The following DAGLB variants were observed in gnomAD, a reference collection of about 807,000 sequenced individuals.
The protein encoded by DAGLB is diacylglycerol lipase beta.
A neutral mutation model predicts 72.1 loss-of-function variants in DAGLB; 66 were observed. That is an observed-to-expected ratio of 0.92 (90% confidence interval 0.75 to 1.12). The LOEUF (loss-of-function observed/expected upper bound fraction) is 1.12. Among genes scored for constraint, DAGLB ranks in the 50% most tolerant of loss-of-function variants. The pLI is 0.00. For missense variants in DAGLB, 1,065 were observed against 884.9 expected (o/e 1.20, Z -2.58); for synonymous variants, 414 against 359.5 (o/e 1.15, Z -1.71).
In DAGLB at chr7:6,447,787, A is replaced by C. The variant is rs1785059403; in HGVS notation, c.56T>G (p.Val19Gly). The C allele has an allele frequency of 6.2e-7, 1 of 1,613,646 alleles. No homozygotes were observed. The highest frequency in any genetic ancestry group is 1.1e-5 in the South Asian group (1 of 90,992). ...GACCAGCTCGAAGAACCCTGGGAAG[A>C]CCAAGTCGTCGCTGGCGATGGCCCA... The part of the protein sequence containing the change: ...RRWAIASDDL[V>G]FPGFFELVVR... Residue 19 changes from valine (V) to glycine (G), a missense_variant, in exon 1 of 15, where the codon GTC becomes GGC. Transcript: ENST00000297056.
chr7:6,419,613 A>T (rs899456261), intron 9 of DAGLB, among the ~76,000 whole-genome samples: 2 of 152,216 alleles, frequency 1.3e-5, no homozygotes, highest in Non-Finnish European at 2.9e-5. Flanking sequence ...TTCCCGACCC[A>T]AGGGATGAAC....
chr7:6,424,876 C>T, intron 7 of DAGLB, 41 bp from the exon 8 acceptor site: 1 of 1,598,384 alleles, frequency 6.3e-7, no homozygotes, highest in Non-Finnish European at 8.6e-7. Flanking sequence ...AAACAGTGAA[C>T]ACACGCACCA....
At chr7:6,447,159 C>G (rs1380233891) in intron 1 of DAGLB, among the ~76,000 whole-genome samples, 1 of 152,216 alleles carries the variant, frequency 6.6e-6, no homozygotes, top group Non-Finnish European at 1.5e-5. Flanking sequence ...TTTTGCATAA[C>G]AATGATTCAT....
chr7:6,447,768 C>T lies in DAGLB; in HGVS notation c.75G>A (p.Glu25=), dbSNP rs1450715066. ...CTTACCACAGCACTCGCACGACCAG[C>T]TCGAAGAACCCTGGGAAGACCAAGT... ...SDDLVFPGFF[E]LVVRVLWWIG... is the part of the protein sequence containing the mutation. The change falls in exon 1 of 15, where the codon GAG becomes GAA. Residue 25 remains glutamate, a synonymous_variant. Coordinates refer to ENST00000297056, the MANE Select transcript of DAGLB (RefSeq NM_139179.4). The T allele has an allele frequency of 6.2e-7, 1 of 1,613,726 alleles. No individual in the cohort carries two copies. The highest frequency in any genetic ancestry group is 8.5e-7 in the Non-Finnish European group (1 of 1,179,866).
intron 6 of DAGLB, among the ~76,000 whole-genome samples, chr7:6,428,502 T>C (rs2115269646): frequency 6.6e-6 from 1 of 151,288 alleles, no homozygotes; most frequent in Admixed American, 6.6e-5. Flanking sequence ...TTTTTTTCTT[T>C]TTGAGACAGA....
chr7:6,439,849 C>G (rs1466330789), intron 2 of DAGLB, among the ~76,000 whole-genome samples: 1 of 151,498 alleles, frequency 6.6e-6, no homozygotes, highest in Non-Finnish European at 1.5e-5. Flanking sequence ...GTCAGGAGTT[C>G]GAGACCAGCC....
intron 13 of DAGLB, 140 bp downstream of exon 13, chr7:6,412,671 C>A (rs1470642580): frequency 1.0e-6 from 1 of 953,670 alleles, no homozygotes; most frequent in African/African-American, 1.6e-5. Flanking sequence ...AGCCCAGAAT[C>A]TGATCAGATG....
At chr7:6,412,269 A>T (rs1783754122) in intron 13 of DAGLB, among the ~76,000 whole-genome samples, 1 of 152,060 alleles carries the variant, frequency 6.6e-6, no homozygotes. Context: ...GACATATATC[A>T]CCATTTTAAT....
At chr7:6,427,958 T>C (rs369843981) in intron 6 of DAGLB, among the ~76,000 whole-genome samples, 318 of 152,298 alleles carry the variant, frequency 2.1e-3, no homozygotes, top group African/African-American at 7.3e-3. Context: ...AATTTAAGAA[T>C]CTATAAATCC....
intron 2 of DAGLB, 50 bp downstream of exon 2, chr7:6,445,903 C>G: frequency 6.6e-7 from 1 of 1,519,522 alleles, no homozygotes; most frequent in African/African-American, 1.4e-5. Flanking sequence ...AATTATATCT[C>G]AATAAAGCTA....
At chr7:6,441,681 T>C (rs1282389211) in intron 2 of DAGLB, among the ~76,000 whole-genome samples, 1 of 152,192 alleles carries the variant, frequency 6.6e-6, no homozygotes, top group South Asian at 2.1e-4. Flanking sequence ...CCTCCCAGAG[T>C]GCTGGAATTA....
chr7:6,416,418 C>T, intron 11 of DAGLB: 1 of 567,744 alleles, frequency 1.8e-6, no homozygotes, highest in Non-Finnish European at 2.8e-6. Flanking sequence ...TGGCGGGTGT[C>T]TGTAGTCCCA....
At chr7:6,435,902 C>G (rs979941216) in intron 3 of DAGLB, among the ~76,000 whole-genome samples, 2 of 152,124 alleles carry the variant, frequency 1.3e-5, no homozygotes, top group African/African-American at 2.4e-5. Flanking sequence ...ACTGGATCAT[C>G]TCTAAGATTT....
rs780085646 is a variant in DAGLB, at chr7:6,412,805, G to A, written c.1569+6C>T. ...TGCTGACCCTCTCAACAAGGCACCC[G>A]CTTACCTTGGGTTTATTGCAGTGCG... is the stretch of plus-strand genomic sequence containing the variant. On this transcript the variant is annotated splice_donor_region_variant and intron_variant, in intron 13 of 14. Coordinates refer to ENST00000297056, the MANE Select transcript of DAGLB (RefSeq NM_139179.4). 12 of 1,578,814 alleles carry A rather than the reference G, an allele frequency of 7.6e-6. No individual in the cohort carries two copies. The highest frequency in any genetic ancestry group is 3.4e-4 in the Middle Eastern group (2 of 5,816).
chr7:6,424,908 C>A, intron 7 of DAGLB, 73 bp from the exon 8 acceptor site: 1 of 1,476,240 alleles, frequency 6.8e-7, no homozygotes, highest in Non-Finnish European at 9.4e-7. Flanking sequence ...CGGAGCCCTG[C>A]AGTGTCTGCA....
At position 6,445,992 on chromosome 7, in the gene DAGLB, T is replaced by A; in HGVS notation, c.208A>T (p.Ile70Leu). ...IVLMILLAVV[I>L]CTVSAIMCVS... ...CACATGATGGCTGACACAGTACATA[T>A]GACAACTGCCAGGAGAATCATGAGG... Residue 70 changes from isoleucine to leucine, a missense_variant, in exon 2 of 15, where the codon ATA becomes TTA. Physicochemically the swap from Ile to Leu is conservative, Grantham distance 5. Coordinates refer to ENST00000297056, the MANE Select transcript of DAGLB (RefSeq NM_139179.4). 3 of 1,613,356 alleles carry A rather than the reference T, an allele frequency of 1.9e-6. No individual in the cohort carries two copies. The highest frequency in any genetic ancestry group is 1.7e-6 in the Non-Finnish European group (2 of 1,179,810).
rs372529111 is a variant in DAGLB, at chr7:6,409,797, G to A, written c.*40C>T. On this transcript the variant is annotated 3_prime_UTR_variant, in exon 15 of 15. Coordinates refer to ENST00000297056, the MANE Select transcript of DAGLB (RefSeq NM_139179.4). ...GGTAAGTCAGTTTAAGGACAAAAGC[G>A]TGAGTCCATCGTTCCTGGGACAGTT... The A allele has an allele frequency of 1.6e-5, 25 of 1,596,310 alleles. No homozygotes were observed. Among genetic ancestry groups the A allele is most frequent in the African/African-American group, 5.4e-5 (4 of 74,332 alleles).
intron 2 of DAGLB, among the ~76,000 whole-genome samples, chr7:6,438,097 G>A (rs836542): frequency 1.3e-5 from 2 of 151,760 alleles, no homozygotes; most frequent in South Asian, 2.1e-4. Context: ...GCAAACTATC[G>A]CAAGGACAGA....
At chr7:6,436,619 G>A in intron 2 of DAGLB, 86 bp from the exon 3 acceptor site, 1 of 1,559,406 alleles carries the variant, frequency 6.4e-7, no homozygotes, top group Non-Finnish European at 8.8e-7. Flanking sequence ...CTTTTGCAGA[G>A]CATACATTTG....
Sources: gnomAD v4.1 joint callset for allele counts (sites outside exome capture counted in the v4.1 genomes callset) on GRCh38, gnomAD v4.1.1 for gene constraint, MANE v1.5 for transcripts, NCBI Gene and HGNC (gene_info 2026-07-23, HGNC 2026-07-21) for gene names.